ITGB2: variants seen among roughly 807,000 people sequenced by gnomAD.
ITGB2 encodes integrin subunit beta 2.
Under a neutral mutation model 86.8 loss-of-function variants are expected in ITGB2, and 56 were observed. The ratio of observed to expected loss-of-function variants is 0.65; its 90% CI spans 0.52 to 0.81. The LOEUF (loss-of-function observed/expected upper bound fraction) is 0.81, where lower values mean the gene tolerates loss of function less well. ITGB2 is among the 30% of genes least tolerant of loss of function. The probability of loss-of-function intolerance (pLI) is 0.00; values close to 1 mark genes in which losing one functional copy is unlikely to be tolerated. For synonymous variants in ITGB2, 457 were observed against 450.4 expected, an observed-to-expected ratio of 1.01 and a Z score of -0.19; for missense variants, 948 against 1,061.2, an observed-to-expected ratio of 0.89 and a Z score of 1.48.
At chr21:44,923,944 A>G (rs978600183), upstream of ITGB2, among the ~76,000 whole-genome samples, 27 of 152,248 alleles carry the variant, frequency 1.8e-4, no homozygotes, top group African/African-American at 6.5e-4. Flanking sequence ...TCAAAAAGAT[A>G]GAAATCAAAG....
intron 6 of ITGB2, among the ~76,000 whole-genome samples, chr21:44,900,807 G>A (rs143322843): frequency 4.9e-4 from 75 of 152,356 alleles, no homozygotes; most frequent in Non-Finnish European, 8.5e-4. Context: ...CCTCGCAGAC[G>A]TGTGGGCCAC....
intron 2 of ITGB2, 140 bp from the exon 3 acceptor site, chr21:44,910,512 C>A: frequency 1.3e-6 from 2 of 1,522,442 alleles, no homozygotes; most frequent in Non-Finnish European, 1.8e-6. Context: ...TTCGCCACCA[C>A]CCCCAGGTGC....
At position 44,910,340 on chromosome 21, in the gene ITGB2, T is replaced by C; in HGVS notation, c.91A>G (p.Ser31Gly). 3 of 1,614,154 alleles carry C rather than the reference T, an allele frequency of 1.9e-6. No individual in the cohort carries two copies. The highest frequency in any genetic ancestry group is 2.7e-5 in the African/African-American group (2 of 75,048). Reference protein sequence around the residue: ...LSQECTKFKVSSCRECIESGP... With the variant: ...LSQECTKFKVGSCRECIESGP... ...GACTCGATGCATTCCCGGCAGCTGC[T>C]GACCTTGAACTTCGTGCACTCCTGA... The change falls in exon 3 of 16, where the codon AGC (serine) becomes GGC (glycine). Residue 31 changes from serine to glycine, a missense_variant. Transcript: ENST00000652462.
chr21:44,886,725 C>T lies in ITGB2; in HGVS notation c.2247+11G>A, dbSNP rs369454546. ...CCCCTCTGCGTGGGACCCCCAAGGA[C>T]GGCCACTTACATTGTTCCACTGGGA... On this transcript the variant is annotated intron_variant, in intron 15 of 15. Coordinates refer to ENST00000652462, the MANE Select transcript of ITGB2 (RefSeq NM_000211.5). 1.4e-5 allele frequency: 23 copies of T among 1,613,908 alleles called. No individual in the cohort carries two copies. The highest frequency in any genetic ancestry group is 1.0e-4 in the Admixed American group (6 of 60,000).
rs187540120 is a variant in ITGB2, at chr21:44,919,677, C to T, written c.-4+1144G>A. ...CCCCTATGCCCCCACAGCTCGCTCC[C>T]AGGCTGAGCTCTCCGGCCATCCCCC... On this transcript the variant is annotated intron_variant, in intron 1 of 15. Transcript: ENST00000652462. Among the ~76,000 whole-genome samples the T allele has an allele frequency of 4.9e-4, 74 of 152,348 alleles. 1 individual carries two copies. Among genetic ancestry groups the T allele is most frequent in the Middle Eastern group, 6.8e-3 (2 of 294 alleles).
intron 1 of ITGB2, among the ~76,000 whole-genome samples, chr21:44,919,036 C>T (rs1238473573): frequency 2.0e-5 from 3 of 151,316 alleles, no homozygotes; most frequent in South Asian, 2.1e-4. Flanking sequence ...TGCAGTTGCT[C>T]AGCTGTTCAT....
rs149574706 is a variant in ITGB2 at position 44,916,605 on chromosome 21, T to C, written c.-4+4216A>G. On this transcript the variant is annotated intron_variant, in intron 1 of 15. Coordinates refer to ENST00000652462, the MANE Select transcript of ITGB2 (RefSeq NM_000211.5). ...AGGGGAGGCCGGGCATGGTGGCTCA[T>C]GCCTGTAATCCCAGCACTTTGGGAG... Among the ~76,000 whole-genome samples, 713 of 152,198 alleles carry C rather than the reference T, an allele frequency of 4.7e-3. 4 individuals carry two copies. Among genetic ancestry groups the C allele is most frequent in the African/African-American group, 0.016 (650 of 41,548 alleles).
At chr21:44,915,410 A>G (rs1030817472) in intron 1 of ITGB2, among the ~76,000 whole-genome samples, 1 of 152,250 alleles carries the variant, frequency 6.6e-6, no homozygotes, top group East Asian at 1.9e-4. Flanking sequence ...GGAACTTTGC[A>G]TCAGAGCTTC....
intron 11 of ITGB2, among the ~76,000 whole-genome samples, chr21:44,891,014 AG>A (rs2146502430): frequency 6.6e-6 from 1 of 152,114 alleles, no homozygotes; most frequent in South Asian, 2.1e-4. Context: ...TGGGGGCAGC[AG>A]GGACCTGAAG....
At chr21:44,925,738 A>G (rs1055915856), upstream of ITGB2, among the ~76,000 whole-genome samples, 6 of 152,240 alleles carry the variant, frequency 3.9e-5, no homozygotes, top group Non-Finnish European at 5.9e-5. Context: ...AATAGATGCC[A>G]ACTCCGAGAT....
rs753452987 is a variant in ITGB2, at chr21:44,886,834, T to C, written c.2149A>G (p.Ile717Val). The change falls in exon 15 of 16, where the codon ATT becomes GTT. Residue 717 changes from isoleucine to valine, a missense_variant. Physicochemically the swap from Ile to Val is conservative, Grantham distance 29. Transcript: ENST00000652462. ...GCCTTCCAGATGACCAGCAGGAGAA[T>C]GCCGATCAGCACGATGCCTGCCACG... ...GTVAGIVLIG[I>V]LLLVIWKALI... is the part of the protein sequence containing the mutation. 11 of 1,613,616 alleles carry C rather than the reference T, an allele frequency of 6.8e-6. No homozygotes were observed. In the African/African-American group the frequency reaches 1.3e-4, roughly 20 times the overall value.
intron 6 of ITGB2, 143 bp downstream of exon 6, chr21:44,901,349 G>C (rs1000842438): frequency 4.9e-6 from 5 of 1,027,504 alleles, no homozygotes; most frequent in Non-Finnish European, 7.0e-6. Flanking sequence ...CAGCAGCAGG[G>C]TGAGGAGCTG....
chr21:44,909,049 C>T (rs898016094), intron 3 of ITGB2, among the ~76,000 whole-genome samples: 2 of 152,304 alleles, frequency 1.3e-5, no homozygotes, highest in South Asian at 4.1e-4. Context: ...GAGTGGCAGG[C>T]GGGGACCAGC....
intron 3 of ITGB2, among the ~76,000 whole-genome samples, 200 bp downstream of exon 3, chr21:44,910,084 G>T (rs776944405): frequency 2.0e-5 from 3 of 152,206 alleles, no homozygotes; most frequent in African/African-American, 7.2e-5. Flanking sequence ...AAATACAAGT[G>T]TGTGTTCTGT....
At chr21:44,902,742 G>A (rs917033362) in intron 5 of ITGB2, among the ~76,000 whole-genome samples, 1 of 152,182 alleles carries the variant, frequency 6.6e-6, no homozygotes, top group African/African-American at 2.4e-5. Context: ...TTGTGTGTGA[G>A]CGTGCATTCA....
At position 44,890,134 on chromosome 21, in the gene ITGB2, T is replaced by C. The variant is rs371797683; in HGVS notation, c.1501A>G (p.Asn501Asp). 5.6e-6 allele frequency: 9 copies of C among 1,613,320 alleles called. No homozygotes were observed. The highest frequency in any genetic ancestry group is 1.6e-4 in the Middle Eastern group (1 of 6,084). ...AGCCCTGAGCAGATGATGGAGTTGT[T>C]GTCCTTCCGGCAGCTTCCTTCCAGC... Reference protein sequence around the residue: ...QELEGSCRKDNNSIICSGLGD... With the variant: ...QELEGSCRKDDNSIICSGLGD... Residue 501 changes from asparagine to aspartate, a missense_variant, in exon 12 of 16, where the codon AAC becomes GAC. Physicochemically the swap from Asn to Asp is conservative, Grantham distance 23. Transcript: ENST00000652462.
chr21:44,910,449 G>A, intron 2 of ITGB2, 77 bp from the exon 3 acceptor site: 2 of 1,605,036 alleles, frequency 1.2e-6, no homozygotes, highest in Non-Finnish European at 1.7e-6. Flanking sequence ...GAGCAGGAAG[G>A]TCAGAGGAGG....
In ITGB2 at chr21:44,895,913, T is replaced by TA. The variant is rs11290452; in HGVS notation, c.994-854dup. On this transcript the variant is annotated intron_variant, in intron 8 of 15. Transcript: ENST00000652462. ...AAAATAAAATAAAATAAATAAAAAA[T>TA]AAAAAAAAAATTACTGTTGCATCAT... Among the ~76,000 whole-genome samples, 167 of 148,758 alleles carry TA rather than the reference T, an allele frequency of 1.1e-3. 1 individual carries two copies. The highest frequency in any genetic ancestry group is 3.5e-3 in the African/African-American group (143 of 40,718).
chr21:44,921,980 T>A (rs1266451712), upstream of ITGB2, among the ~76,000 whole-genome samples: 1 of 152,228 alleles, frequency 6.6e-6, no homozygotes, highest in Non-Finnish European at 1.5e-5. Flanking sequence ...CACCTCTGCC[T>A]TCCAAAGTGC....
Sources: gnomAD v4.1 joint callset for allele counts (sites outside exome capture counted in the v4.1 genomes callset) on GRCh38, gnomAD v4.1.1 for gene constraint, MANE v1.5 for transcripts, NCBI Gene and HGNC (gene_info 2026-07-23, HGNC 2026-07-21) for gene names.